WDFY2: variants seen among roughly 807,000 people sequenced by gnomAD.
The protein encoded by WDFY2 is WD repeat and FYVE domain containing 2, also known as WD repeat and FYVE domain-containing protein 2.
WDFY2 carries 36 observed loss-of-function variants against 56.4 expected under a neutral mutation model. That is an observed-to-expected ratio of 0.64 (90% CI 0.49 to 0.84). The LOEUF (loss-of-function observed/expected upper bound fraction) is 0.84. Ranked by LOEUF, WDFY2 falls within the 40% of genes least tolerant of loss-of-function variation. The pLI, the probability that WDFY2 is intolerant of heterozygous loss-of-function variation, is 0.00. For synonymous variants in WDFY2, 176 were observed against 183.7 expected, an observed-to-expected ratio of 0.96 and a Z score of 0.34; for missense variants, 444 against 512.2, an observed-to-expected ratio of 0.87 and a Z score of 1.29.
At chr13:51,597,205 A>G (rs1954168015) in intron 1 of WDFY2, among the ~76,000 whole-genome samples, 1 of 152,242 alleles carries the variant, frequency 6.6e-6, no homozygotes, top group African/African-American at 2.4e-5. Flanking sequence ...ACTATATACC[A>G]AGTTGTTGCT....
chr13:51,642,645 C>T (rs1396316269), intron 1 of WDFY2, among the ~76,000 whole-genome samples: 1 of 150,944 alleles, frequency 6.6e-6, no homozygotes, highest in Admixed American at 6.6e-5. Context: ...CTTTTATAAA[C>T]CTGCTTCGTG....
At chr13:51,695,478 C>T (rs967898673) in intron 3 of WDFY2, among the ~76,000 whole-genome samples, 8 of 152,170 alleles carry the variant, frequency 5.3e-5, no homozygotes, top group African/African-American at 1.4e-4. Flanking sequence ...GTACCAGCAG[C>T]GATGGCTGGA....
At chr13:51,728,577 T>C (rs1333988614) in intron 6 of WDFY2, among the ~76,000 whole-genome samples, 2 of 152,010 alleles carry the variant, frequency 1.3e-5, no homozygotes, top group African/African-American at 4.8e-5. Context: ...AGTTTAGATG[T>C]CATATAAGAA....
At chr13:51,669,532 T>C (rs756384499) in intron 2 of WDFY2, among the ~76,000 whole-genome samples, 2 of 152,198 alleles carry the variant, frequency 1.3e-5, no homozygotes, top group Non-Finnish European at 2.9e-5. Context: ...TTTTTTCTAG[T>C]ATATTTCTTT....
intron 3 of WDFY2, among the ~76,000 whole-genome samples, chr13:51,688,955 G>A (rs1430867023): frequency 6.6e-6 from 1 of 152,202 alleles, no homozygotes; most frequent in Non-Finnish European, 1.5e-5. Flanking sequence ...ACTGAAGGGT[G>A]GCGGGGACAC....
chr13:51,615,608 A>G (rs1954596039), intron 1 of WDFY2, among the ~76,000 whole-genome samples: 1 of 152,222 alleles, frequency 6.6e-6, no homozygotes, highest in Non-Finnish European at 1.5e-5. Context: ...CATGCATTGC[A>G]ATTAAATAAA....
chr13:51,684,821 C>G (rs1250084821), intron 3 of WDFY2, among the ~76,000 whole-genome samples: 2 of 152,126 alleles, frequency 1.3e-5, no homozygotes, highest in African/African-American at 4.8e-5. Context: ...CCATCTCTTA[C>G]AGGTTTACTT....
chr13:51,655,327 AT>A (rs1279212627), intron 1 of WDFY2, among the ~76,000 whole-genome samples: 1 of 151,506 alleles, frequency 6.6e-6, no homozygotes, highest in African/African-American at 2.4e-5. Context: ...TTAAGTGTGG[AT>A]TTTTCATGAA....
At chr13:51,754,789 C>T (rs1953327055) in intron 8 of WDFY2, among the ~76,000 whole-genome samples, 2 of 152,172 alleles carry the variant, frequency 1.3e-5, no homozygotes, top group African/African-American at 4.8e-5. Flanking sequence ...TCTCTCTTAA[C>T]TCTGTGCTAT....
chr13:51,688,015 G>C (rs1956090619), intron 3 of WDFY2, among the ~76,000 whole-genome samples: 1 of 152,190 alleles, frequency 6.6e-6, no homozygotes. Flanking sequence ...AAATGCATTG[G>C]AAGGGGCTTG....
chr13:51,708,040 G>A (rs1952125076), intron 4 of WDFY2, among the ~76,000 whole-genome samples: 1 of 125,990 alleles, frequency 7.9e-6, no homozygotes, highest in Non-Finnish European at 1.6e-5. Context: ...GCACACCCCA[G>A]GTTCAAGTAG....
At chr13:51,720,209 C>T (rs753508087) in intron 5 of WDFY2, among the ~76,000 whole-genome samples, 15 of 152,170 alleles carry the variant, frequency 9.9e-5, no homozygotes, top group Non-Finnish European at 1.9e-4. Flanking sequence ...TTCAGTGATT[C>T]GCAACATCTG....
At chr13:51,745,863 C>T (rs1953086503) in intron 7 of WDFY2, among the ~76,000 whole-genome samples, 1 of 151,274 alleles carries the variant, frequency 6.6e-6, no homozygotes, top group Admixed American at 6.6e-5. Context: ...TTTGCATATC[C>T]AGAGCCACAC....
At chr13:51,707,858 A>G (rs1952117553) in intron 4 of WDFY2, among the ~76,000 whole-genome samples, 1 of 151,602 alleles carries the variant, frequency 6.6e-6, no homozygotes, top group South Asian at 2.1e-4. Context: ...AGGTTCTAGA[A>G]TGCTATACAC....
chr13:51,711,184 G>A (rs1364627946), intron 4 of WDFY2, among the ~76,000 whole-genome samples: 1 of 152,168 alleles, frequency 6.6e-6, no homozygotes, highest in Admixed American at 6.6e-5. Flanking sequence ...AACAAGAAAT[G>A]GGGAAAGGAT....
In WDFY2 at chr13:51,584,681, T is replaced by C. The variant is rs751287632; in HGVS notation, c.-7T>C. ...GCGGCGGCGCCCCAGGCGCGCCCCCTCCTCCGATGGCGGCGGAGATCCAGC... is the reference window on the plus strand; with the variant it reads ...GCGGCGGCGCCCCAGGCGCGCCCCCCCCTCCGATGGCGGCGGAGATCCAGC... On this transcript the variant is annotated 5_prime_UTR_variant, in exon 1 of 12. Coordinates refer to ENST00000298125, the MANE Select transcript of WDFY2 (RefSeq NM_052950.4). 1.9e-6 allele frequency: 3 copies of C among 1,609,336 alleles called. No homozygotes were observed. In the African/African-American group the frequency reaches 4.0e-5, roughly 22 times the overall value.
At chr13:51,683,757 TC>T (rs1432801335) in intron 3 of WDFY2, among the ~76,000 whole-genome samples, 1 of 152,150 alleles carries the variant, frequency 6.6e-6, no homozygotes, top group Non-Finnish European at 1.5e-5. Context: ...GCAAAAGCCT[TC>T]CCCCTTGCTG....
intron 6 of WDFY2, among the ~76,000 whole-genome samples, chr13:51,728,179 G>A (rs1359836242): frequency 6.6e-6 from 1 of 152,138 alleles, no homozygotes; most frequent in Non-Finnish European, 1.5e-5. Flanking sequence ...TTAGAAGATG[G>A]TGTACAAGAA....
intron 3 of WDFY2, among the ~76,000 whole-genome samples, chr13:51,686,141 G>A (rs540638507): frequency 6.6e-6 from 1 of 152,174 alleles, no homozygotes; most frequent in South Asian, 2.1e-4. Context: ...ATGTGGTGGG[G>A]TTGAGGTATG....
Sources: allele counts gnomAD v4.1 joint callset (sites outside exome capture counted in the v4.1 genomes callset), GRCh38; gene constraint gnomAD v4.1.1; transcripts MANE v1.5; gene names NCBI Gene and HGNC (gene_info 2026-07-23, HGNC 2026-07-21).